SLC2A9: variants seen among roughly 807,000 people sequenced by gnomAD.
The protein encoded by SLC2A9 is solute carrier family 2, facilitated glucose transporter member 9.
In SLC2A9, 39 loss-of-function variants were observed where a neutral mutation model predicts 50.6. The observed-to-expected ratio is 0.77, with a 90% CI of 0.60 to 1.01. SLC2A9 has a LOEUF of 1.01. Among genes scored for constraint, SLC2A9 ranks in the 50% least tolerant of loss-of-function variants. The pLI is 0.00. For synonymous variants in SLC2A9, 324 were observed against 276.9 expected, an observed-to-expected ratio of 1.17 and a Z score of -1.69; for missense variants, 686 against 677.6, an observed-to-expected ratio of 1.01 and a Z score of -0.14.
chr4:9,805,687 GTT>G (rs58280694), intron 3 of SLC2A9, among the ~76,000 whole-genome samples: 34,467 of 117,898 alleles, frequency 0.29, 5,092 homozygotes, highest in African/African-American at 0.44. Flanking sequence ...CAGGGTGTCA[GTT>G]TTTTTTTTTT....
intron 3 of SLC2A9, among the ~76,000 whole-genome samples, chr4:9,803,376 C>T (rs1331569368): frequency 1.3e-5 from 2 of 152,196 alleles, no homozygotes; most frequent in South Asian, 2.1e-4. Context: ...CATTTATCTA[C>T]CAAGAACTGT....
At chr4:9,776,234 A>T (rs188465003), downstream of SLC2A9, among the ~76,000 whole-genome samples, 1 of 151,220 alleles carries the variant, frequency 6.6e-6, no homozygotes, top group South Asian at 2.1e-4. Flanking sequence ...GAGTAGTCCA[A>T]GTACACCCAA....
At chr4:9,915,400 G>A (rs1264767537) in intron 7 of SLC2A9, among the ~76,000 whole-genome samples, 2 of 152,156 alleles carry the variant, frequency 1.3e-5, no homozygotes, top group Non-Finnish European at 2.9e-5. Context: ...ACCACGTCCA[G>A]CTAATTTTCT....
At chr4:9,888,112 GT>G (rs878874486) in intron 9 of SLC2A9, among the ~76,000 whole-genome samples, 1 of 122,104 alleles carries the variant, frequency 8.2e-6, no homozygotes. Flanking sequence ...GCTGGGGCCT[GT>G]TTTGGGGGGT....
At chr4:9,854,981 T>C (rs774328313) in intron 10 of SLC2A9, among the ~76,000 whole-genome samples, 7 of 152,198 alleles carry the variant, frequency 4.6e-5, no homozygotes, top group South Asian at 2.1e-4. Context: ...CAGCCATCTA[T>C]GACAGACCCA....
intron 8 of SLC2A9, among the ~76,000 whole-genome samples, chr4:9,899,472 A>G (rs2109882945): frequency 6.6e-6 from 1 of 152,350 alleles, no homozygotes; most frequent in Admixed American, 6.5e-5. Flanking sequence ...CTCTCTAAAA[A>G]GAAGCCAAGA....
At chr4:9,832,023 C>T (rs1475074732) in intron 11 of SLC2A9, among the ~76,000 whole-genome samples, 1 of 152,216 alleles carries the variant, frequency 6.6e-6, no homozygotes, top group Non-Finnish European at 1.5e-5. Context: ...TGAGCTCAGA[C>T]TTCTACCTTC....
At chr4:9,773,564 G>A (rs945753555) in intron 1 of SLC2A9, among the ~76,000 whole-genome samples, 1 of 152,244 alleles carries the variant, frequency 6.6e-6, no homozygotes, top group Non-Finnish European at 1.5e-5. Context: ...GTGCTAAAAT[G>A]TTTGAGGAAA....
intron 6 of SLC2A9, among the ~76,000 whole-genome samples, chr4:9,924,899 C>G (rs974508787): frequency 6.6e-6 from 1 of 152,198 alleles, no homozygotes; most frequent in Non-Finnish European, 1.5e-5. Context: ...CCAGGCCTGC[C>G]TTAGTTCAGG....
intron 1 of SLC2A9, among the ~76,000 whole-genome samples, chr4:10,038,506 CAAAAAAAAAAAAAA>C (rs35698968): frequency 7.7e-4 from 38 of 49,446 alleles, no homozygotes; most frequent in South Asian, 1.8e-3. Context: ...GACTCTGTCT[CAAAAAAAAAAAAAA>C]AAAAAAAAAA....
At chr4:9,945,841 T>C (rs1749048962) in intron 5 of SLC2A9, among the ~76,000 whole-genome samples, 1 of 152,106 alleles carries the variant, frequency 6.6e-6, no homozygotes, top group South Asian at 2.1e-4. Flanking sequence ...TAGCACACAG[T>C]AGTGGTTCAA....
intron 2 of SLC2A9, among the ~76,000 whole-genome samples, chr4:10,003,180 A>T (rs1760152514): frequency 6.6e-6 from 1 of 152,348 alleles, no homozygotes; most frequent in Admixed American, 6.5e-5. Flanking sequence ...TCACTCTTGC[A>T]CGTGAACTTG....
chr4:9,912,158 G>A (rs1015363314), intron 7 of SLC2A9, among the ~76,000 whole-genome samples: 2 of 152,124 alleles, frequency 1.3e-5, no homozygotes, highest in South Asian at 2.1e-4. Flanking sequence ...GGGGAGCGGG[G>A]AGGGAGAGCA....
chr4:9,853,171 C>T (rs1458552435), intron 10 of SLC2A9, among the ~76,000 whole-genome samples: 1 of 134,558 alleles, frequency 7.4e-6, no homozygotes, highest in Non-Finnish European at 1.5e-5. Context: ...GTGAAACTCC[C>T]TCTCAAAAAA....
intron 5 of SLC2A9, among the ~76,000 whole-genome samples, chr4:9,968,292 T>C (rs1160914642): frequency 6.6e-6 from 1 of 152,228 alleles, no homozygotes; most frequent in African/African-American, 2.4e-5. Context: ...TTTTAATGTG[T>C]CTCACAGCAT....
At chr4:9,908,695 C>T (rs972030729) in intron 7 of SLC2A9, among the ~76,000 whole-genome samples, 5 of 152,056 alleles carry the variant, frequency 3.3e-5, no homozygotes, top group Non-Finnish European at 7.4e-5. Context: ...AATGCTATCC[C>T]TCCCCACTAC....
intron 5 of SLC2A9, among the ~76,000 whole-genome samples, chr4:9,969,447 T>C (rs1753552082): frequency 6.6e-6 from 1 of 152,222 alleles, no homozygotes; most frequent in Non-Finnish European, 1.5e-5. Flanking sequence ...TGCAATTAGA[T>C]TCATTACAAA....
At chr4:9,788,250 GCATGATC>G (rs1487314531) in intron 3 of SLC2A9, among the ~76,000 whole-genome samples, 6 of 152,056 alleles carry the variant, frequency 3.9e-5, no homozygotes, top group African/African-American at 1.4e-4. Context: ...GGGAGCAGTG[GCATGATC>G]ACAGATCATT....
chr4:9,983,304 C>T (rs1756195101), intron 4 of SLC2A9, among the ~76,000 whole-genome samples: 1 of 152,198 alleles, frequency 6.6e-6, no homozygotes, highest in South Asian at 2.1e-4. Flanking sequence ...GATCGACATC[C>T]TTGGGGAGTT....
Sources: gnomAD v4.1 joint callset for allele counts (sites outside exome capture counted in the v4.1 genomes callset) on GRCh38, gnomAD v4.1.1 for gene constraint, MANE v1.5 for transcripts, NCBI Gene and HGNC (gene_info 2026-07-23, HGNC 2026-07-21) for gene names.